Variants in PRKAR1B observed in about 807,000 individuals in gnomAD.
PRKAR1B encodes the protein protein kinase cAMP-dependent type I regulatory subunit beta, also known as cAMP-dependent protein kinase type I-beta regulatory subunit.
PRKAR1B carries 22 observed loss-of-function variants against 46.5 expected under a neutral mutation model. That is an observed-to-expected ratio of 0.47 (90% CI 0.34 to 0.68). PRKAR1B has a LOEUF of 0.68. Ranked by LOEUF, PRKAR1B falls within the 30% of genes least tolerant of loss-of-function variation. The pLI is 0.01. For synonymous variants in PRKAR1B, 259 were observed against 217.7 expected (o/e 1.19, Z -1.67); for missense variants, 445 against 535.6 (o/e 0.83, Z 1.67).
chr7:627,539 C>A (rs1783474226), intron 4 of PRKAR1B, among the ~76,000 whole-genome samples: 1 of 152,002 alleles, frequency 6.6e-6, no homozygotes, highest in Non-Finnish European at 1.5e-5. Flanking sequence ...CGCCACCCGG[C>A]ACTCTACACG....
intron 4 of PRKAR1B, among the ~76,000 whole-genome samples, chr7:670,757 C>T (rs573313616): frequency 1.3e-5 from 2 of 149,850 alleles, no homozygotes; most frequent in African/African-American, 4.9e-5. Context: ...CGAGCTCCCC[C>T]ACGCCACGGC....
intron 7 of PRKAR1B, among the ~76,000 whole-genome samples, chr7:588,512 C>G (rs200014777): frequency 8.2e-4 from 37 of 45,142 alleles, no homozygotes; most frequent in South Asian, 2.6e-3. Context: ...CAGTGGTGAT[C>G]ACGATGATGG....
At chr7:614,787 C>T (rs1467285792) in intron 4 of PRKAR1B, among the ~76,000 whole-genome samples, 2 of 152,146 alleles carry the variant, frequency 1.3e-5, no homozygotes, top group Non-Finnish European at 2.9e-5. Flanking sequence ...TGGCACACAC[C>T]TGTAATCCCA....
intron 4 of PRKAR1B, among the ~76,000 whole-genome samples, chr7:641,162 C>G (rs1390914562): frequency 1.3e-5 from 2 of 152,122 alleles, no homozygotes; most frequent in Admixed American, 1.3e-4. Context: ...CCGTGTTGGC[C>G]AGGATGGTCT....
rs1780802049 is a variant in PRKAR1B, at chr7:714,388, T to C, written c.-22-2861A>G. On this transcript the variant is annotated intron_variant, in intron 1 of 10. Transcript: ENST00000537384. This position sits in a 1 kb window ranked among gnomAD's most constrained non-coding sequence, Gnocchi z 4.3. ...CTGCAATACCTCCTCAGGCTGAGCC[T>C]CCTTGCCTGCGTCCTTTTGAGACAA... Among the ~76,000 whole-genome samples, 1 of 152,186 alleles carries C rather than the reference T, an allele frequency of 6.6e-6. No homozygotes were observed. Among genetic ancestry groups the C allele is most frequent in the African/African-American group, 2.4e-5 (1 of 41,430 alleles).
Position 602,929 on chromosome 7 carries a change from C to T in PRKAR1B, c.549+3264G>A, listed in dbSNP as rs1178850020. ...GGGTCCTCTGAGTCCCGAGTCCACG[C>T]GATCCTGACCCGTCCACCACCCTCC... is the stretch of plus-strand genomic sequence containing the variant. On this transcript the variant is annotated intron_variant, in intron 6 of 10. Transcript: ENST00000537384. The surrounding 1 kb of genome is among the most constrained non-coding windows in gnomAD (Gnocchi z 6.4). 3.9e-5 allele frequency among the ~76,000 whole-genome samples: 6 copies of T among 152,180 alleles called. No homozygotes were observed. The highest frequency in any genetic ancestry group is 1.9e-4 in the East Asian group (1 of 5,190).
rs753859221 is a variant in PRKAR1B at position 593,898 on chromosome 7, CA to C, written c.708+2247del. Among the ~76,000 whole-genome samples, 7 of 152,184 alleles carry C rather than the reference CA, an allele frequency of 4.6e-5. No homozygotes were observed. The highest frequency in any genetic ancestry group is 8.8e-5 in the Non-Finnish European group (6 of 68,014). ...TCATGGGGTGCAGAATCTGATGAAACAGCCGCCCCAAAGACTGTGCGAACGC... is the reference window on the plus strand; with the variant it reads ...TCATGGGGTGCAGAATCTGATGAAACGCCGCCCCAAAGACTGTGCGAACGC... On this transcript the variant is annotated intron_variant, in intron 7 of 10. Coordinates refer to ENST00000537384, the MANE Select transcript of PRKAR1B (RefSeq NM_001164760.2). The surrounding 1 kb of genome is among the most constrained non-coding windows in gnomAD (Gnocchi z 6.1).
intron 4 of PRKAR1B, among the ~76,000 whole-genome samples, chr7:622,969 G>T (rs1288976500): frequency 6.6e-6 from 1 of 152,114 alleles, no homozygotes; most frequent in African/African-American, 2.4e-5. Context: ...TTAAACCTTA[G>T]GTCAATGTTA....
At chr7:728,649 C>T (rs79704949), upstream of PRKAR1B, among the ~76,000 whole-genome samples, 602 of 152,344 alleles carry the variant, frequency 4.0e-3, 5 homozygotes, top group African/African-American at 0.014. Flanking sequence ...CCAGTCTGTA[C>T]ATCAGCCCCA....
At chr7:709,537 A>G (rs1583450009) in intron 2 of PRKAR1B, among the ~76,000 whole-genome samples, 1 of 151,818 alleles carries the variant, frequency 6.6e-6, no homozygotes, top group African/African-American at 2.4e-5. Flanking sequence ...CGCCCGGCTA[A>G]TTTTTTGTAT....
intron 4 of PRKAR1B, among the ~76,000 whole-genome samples, chr7:639,397 T>A (rs887563941): frequency 1.3e-5 from 2 of 152,178 alleles, no homozygotes; most frequent in South Asian, 4.1e-4. Flanking sequence ...ACAATGAACT[T>A]GGACACTTAC....
chr7:681,720 C>T (rs904865885), intron 2 of PRKAR1B, among the ~76,000 whole-genome samples: 7 of 152,232 alleles, frequency 4.6e-5, no homozygotes, highest in Admixed American at 2.0e-4. Flanking sequence ...ACCACCACTG[C>T]AGACCTTGCT....
intron 4 of PRKAR1B, among the ~76,000 whole-genome samples, chr7:626,008 C>CAAAAAAAAAAAAAAAAA (rs71016892): frequency 9.0e-6 from 1 of 110,588 alleles, no homozygotes. Context: ...AACTCCATCT[C>CAAAAAAAAAAAAAAAAA]AAAAAAAAAA....
intron 2 of PRKAR1B, among the ~76,000 whole-genome samples, chr7:695,964 C>CTTTTT (rs766921714): frequency 9.8e-6 from 1 of 102,158 alleles, no homozygotes; most frequent in African/African-American, 4.0e-5. Context: ...GCGCCCAACC[C>CTTTTT]TTTTTTTTTT....
intron 7 of PRKAR1B, among the ~76,000 whole-genome samples, chr7:585,758 C>A (rs571504458): frequency 6.6e-6 from 1 of 152,192 alleles, no homozygotes; most frequent in African/African-American, 2.4e-5. Flanking sequence ...TGCAGCTCCG[C>A]AGGGCTGAGT....
chr7:606,900 GTACA>G (rs1357932773), intron 5 of PRKAR1B, among the ~76,000 whole-genome samples: 2 of 151,638 alleles, frequency 1.3e-5, no homozygotes, highest in Admixed American at 1.3e-4. Context: ...GTATATATGT[GTACA>G]TATATGTATA....
intron 4 of PRKAR1B, among the ~76,000 whole-genome samples, chr7:631,948 C>A (rs1783770837): frequency 9.0e-6 from 1 of 110,714 alleles, no homozygotes; most frequent in Non-Finnish European, 1.9e-5. Flanking sequence ...CACAGCAAGA[C>A]CCTGTCTCAA....
intron 4 of PRKAR1B, among the ~76,000 whole-genome samples, chr7:631,317 G>A (rs1419518154): frequency 6.6e-6 from 1 of 152,188 alleles, no homozygotes; most frequent in East Asian, 1.9e-4. Context: ...GGCCAGGTGT[G>A]GACAGCGGCC....
intron 1 of PRKAR1B, among the ~76,000 whole-genome samples, chr7:725,753 C>T (rs1781241743): frequency 6.6e-6 from 1 of 152,148 alleles, no homozygotes; most frequent in African/African-American, 2.4e-5. Flanking sequence ...CCAAACCTCC[C>T]CAGTTGCTCC....
Sources: gnomAD v4.1 joint callset for allele counts (sites outside exome capture counted in the v4.1 genomes callset) on GRCh38, gnomAD v4.1.1 for gene constraint, Gnocchi (gnomAD v3.1) non-coding constraint, MANE v1.5 for transcripts, NCBI Gene and HGNC (gene_info 2026-07-23, HGNC 2026-07-21) for gene names.